Variants in PSMA1 observed in about 807,000 individuals in gnomAD.
PSMA1 encodes the protein proteasome 20S subunit alpha 1.
PSMA1 carries 3 observed loss-of-function variants against 38.4 expected under a neutral mutation model. The ratio of observed to expected loss-of-function variants is 0.08; its 90% CI spans 0.04 to 0.20. The LOEUF (loss-of-function observed/expected upper bound fraction) is 0.20. Among genes scored for constraint, PSMA1 ranks in the 10% least tolerant of loss-of-function variants. The probability of loss-of-function intolerance (pLI) is 1.00; values close to 1 mark genes in which losing one functional copy is unlikely to be tolerated. For synonymous variants in PSMA1, 101 were observed against 107.1 expected, an observed-to-expected ratio of 0.94 and a Z score of 0.35; for missense variants, 227 against 325.3, an observed-to-expected ratio of 0.70 and a Z score of 2.32.
intron 2 of PSMA1, among the ~76,000 whole-genome samples, chr11:14,582,191 T>TAA (rs1472456963): frequency 6.6e-6 from 1 of 152,200 alleles, no homozygotes; most frequent in Non-Finnish European, 1.5e-5. Context: ...AAAACAGGTA[T>TAA]AAAAGTTGGT....
At chr11:14,565,387 T>C (rs1852057693) in intron 2 of PSMA1, among the ~76,000 whole-genome samples, 1 of 152,232 alleles carries the variant, frequency 6.6e-6, no homozygotes, top group Non-Finnish European at 1.5e-5. Context: ...TTCACTTTCA[T>C]TGATTTCTGC....
intron 2 of PSMA1, among the ~76,000 whole-genome samples, chr11:14,568,420 G>A (rs944599855): frequency 6.6e-6 from 1 of 152,192 alleles, no homozygotes; most frequent in Non-Finnish European, 1.5e-5. Flanking sequence ...GGCTACATTA[G>A]GGCTGGGATA....
At chr11:14,567,322 G>C (rs1482896719) in intron 2 of PSMA1, among the ~76,000 whole-genome samples, 1 of 152,162 alleles carries the variant, frequency 6.6e-6, no homozygotes, top group Non-Finnish European at 1.5e-5. Context: ...TATGCTCCCA[G>C]GATAAAGATG....
At chr11:14,518,885 G>A (rs979688675) in intron 2 of PSMA1, 112 bp downstream of exon 2, 15 of 862,462 alleles carry the variant, frequency 1.7e-5, no homozygotes, top group African/African-American at 1.0e-4. Flanking sequence ...TTCCAAGAAC[G>A]TCTAAAATAA....
chr11:14,633,075 G>C (rs1324687487), intron 1 of PSMA1, among the ~76,000 whole-genome samples: 1 of 151,586 alleles, frequency 6.6e-6, no homozygotes, highest in African/African-American at 2.4e-5. Context: ...CTTTGCCTTT[G>C]GTTTGAATGT....
In PSMA1 at chr11:14,612,637, C is replaced by A. The variant is rs865962293; in HGVS notation, c.-165-1486G>T. Among the ~76,000 whole-genome samples, 5 of 152,212 alleles carry A rather than the reference C, an allele frequency of 3.3e-5. No homozygotes were observed. The South Asian group carries it at 1.0e-3, about 32-fold the overall frequency. On this transcript the variant is annotated intron_variant, in intron 1 of 10. Coordinates refer to the PSMA1 transcript ENST00000418988. ...ATAGATGACTAGGACATAGACTGTA[C>A]CCTCTAGGAAAGAGATATAAATAAA... is the stretch of plus-strand genomic sequence containing the variant.
chr11:14,578,505 A>G (rs1852246208), intron 2 of PSMA1, among the ~76,000 whole-genome samples: 1 of 152,244 alleles, frequency 6.6e-6, no homozygotes, highest in Admixed American at 6.5e-5. Context: ...GAAGAAGACT[A>G]ACTGATTAGC....
At chr11:14,576,425 A>C (rs1298688916) in intron 2 of PSMA1, among the ~76,000 whole-genome samples, 1 of 152,192 alleles carries the variant, frequency 6.6e-6, no homozygotes, top group African/African-American at 2.4e-5. Context: ...CTAACATTTA[A>C]GTCTTTAATC....
intron 1 of PSMA1, among the ~76,000 whole-genome samples, chr11:14,519,486 T>A (rs762012634): frequency 2.0e-5 from 3 of 152,262 alleles, no homozygotes; most frequent in Non-Finnish European, 4.4e-5. Context: ...CAGCTCTTTA[T>A]CTAAACGTCC....
intron 2 of PSMA1, among the ~76,000 whole-genome samples, chr11:14,599,106 C>A (rs1179624058): frequency 6.6e-6 from 1 of 152,170 alleles, no homozygotes; most frequent in Non-Finnish European, 1.5e-5. Context: ...CTGAGAGATC[C>A]GCTGTTAGTC....
At chr11:14,524,668 G>T (rs1458656441), upstream of PSMA1, among the ~76,000 whole-genome samples, 2 of 152,298 alleles carry the variant, frequency 1.3e-5, no homozygotes, top group Non-Finnish European at 2.9e-5. Flanking sequence ...CTGTTTGGTA[G>T]TCTCTTCACA....
chr11:14,606,697 G>T (rs1852647753), intron 2 of PSMA1, among the ~76,000 whole-genome samples: 1 of 152,136 alleles, frequency 6.6e-6, no homozygotes, highest in African/African-American at 2.4e-5. Flanking sequence ...ACTTTTTCTT[G>T]ATTTTTAATT....
chr11:14,633,957 T>C (rs560263698), intron 1 of PSMA1, among the ~76,000 whole-genome samples: 1 of 152,340 alleles, frequency 6.6e-6, no homozygotes, highest in Admixed American at 6.5e-5. Context: ...CCTGACCCCT[T>C]GCGCTTCCCA....
At chr11:14,635,433 A>T (rs1853102606) in intron 1 of PSMA1, among the ~76,000 whole-genome samples, 1 of 152,214 alleles carries the variant, frequency 6.6e-6, no homozygotes, top group Admixed American at 6.5e-5. Flanking sequence ...AATTCTAGTG[A>T]AGATTGATGT....
At chr11:14,633,304 A>C (rs1333109967) in intron 1 of PSMA1, among the ~76,000 whole-genome samples, 1 of 152,152 alleles carries the variant, frequency 6.6e-6, no homozygotes, top group Admixed American at 6.5e-5. Context: ...GGTGATGTAC[A>C]GATGGGTTTT....
At chr11:14,518,262 C>G (rs1851468299) in intron 2 of PSMA1, among the ~76,000 whole-genome samples, 1 of 152,042 alleles carries the variant, frequency 6.6e-6, no homozygotes, top group Non-Finnish European at 1.5e-5. Flanking sequence ...CCACCACGCC[C>G]AGCTAATTTT....
chr11:14,625,037 CTTCT>C (rs1852894487), intron 1 of PSMA1, among the ~76,000 whole-genome samples: 1 of 152,166 alleles, frequency 6.6e-6, no homozygotes, highest in East Asian at 1.9e-4. Context: ...CACTAACTTC[CTTCT>C]AAGTTTTCCC....
At chr11:14,552,587 A>C (rs1443549956) in intron 2 of PSMA1, among the ~76,000 whole-genome samples, 1 of 152,148 alleles carries the variant, frequency 6.6e-6, no homozygotes, top group African/African-American at 2.4e-5. Context: ...GCTATTCTTT[A>C]ACAACTCTTG....
At chr11:14,519,776 C>A in intron 1 of PSMA1, 1 of 157,574 alleles carries the variant, frequency 6.3e-6, no homozygotes, top group Non-Finnish European at 1.4e-5. Flanking sequence ...CCCTCTCAGC[C>A]TCGGCTTACT....
Sources: gnomAD v4.1 joint callset for allele counts (sites outside exome capture counted in the v4.1 genomes callset) on GRCh38, gnomAD v4.1.1 for gene constraint, MANE v1.5 for transcripts, NCBI Gene and HGNC (gene_info 2026-07-23, HGNC 2026-07-21) for gene names.